Variants in HRNR observed in about 807,000 individuals in gnomAD.
HRNR encodes hornerin, also known as filaggrin family member 3.
In HRNR, 7 loss-of-function variants were observed where a neutral mutation model predicts 4.8. The observed-to-expected ratio is 1.47, with a 90% CI of 0.83 to 2.75. The LOEUF is 2.75. Ranked by LOEUF, HRNR falls within the 30% of genes most tolerant of loss-of-function variation. The pLI is 0.00. For missense variants in HRNR, 2,879 were observed against 3,010.4 expected, an observed-to-expected ratio of 0.96 and a Z score of 1.02; for synonymous variants, 1,023 against 1,242.7, an observed-to-expected ratio of 0.82 and a Z score of 3.72.
chr1:152,218,563 G>C lies in HRNR; in HGVS notation c.3066C>G (p.Ser1022=), dbSNP rs572500781. ...AGCCAGACCTATATGGGCCATAGCT[G>C]GAAGACTGCCCGGAACCAGACCCAT... ...GRHGSGSGQS[S]SYGPYRSGSG... Residue 1022 remains serine (S), a synonymous_variant, in exon 3 of 3, where the codon TCC becomes TCG. Coordinates refer to ENST00000368801, the MANE Select transcript of HRNR (RefSeq NM_001009931.3). 8.8e-5 allele frequency: 142 copies of C among 1,613,870 alleles called. 3 individuals are homozygous for C. In the South Asian group the frequency reaches 1.0e-3, roughly 12 times the overall value.
In HRNR at chr1:152,219,616, G is replaced by T; in HGVS notation, c.2013C>A (p.His671Gln). Residue 671 changes from histidine to glutamine, a missense_variant, in exon 3 of 3, where the codon CAC becomes CAA. By Grantham distance (24) the His-to-Gln change is conservative. This residue lies in a region of HRNR where 2,646 missense variants were observed against 1,377.7 expected (regional missense o/e 1.92). Transcript: ENST00000368801. ...SRGRHGSDFG[H>Q]SSSYGQHGSG... Reference sequence around the variant, plus strand: ...ACCCATGTTGGCCGTAGCTGGAAGAGTGCCCAAAATCGGACCCATGTCGGC... The same window carrying T: ...ACCCATGTTGGCCGTAGCTGGAAGATTGCCCAAAATCGGACCCATGTCGGC... 2 of 1,608,648 alleles carry T rather than the reference G, an allele frequency of 1.2e-6. No individual in the cohort carries two copies. The highest frequency in any genetic ancestry group is 1.7e-6 in the Non-Finnish European group (2 of 1,177,160).
rs758881961 is a variant in HRNR, at chr1:152,220,467, C to T, written c.1162G>A (p.Gly388Ser). ...GSTSGQASSSGQHGSSSRQSS... is the reference protein window; with the variant it reads ...GSTSGQASSSSQHGSSSRQSS... ...TGACGTGAGCTGGAGCCATGTTGGC[C>T]AGAGCTTGATGCCTGCCCTGACGTA... The change falls in exon 3 of 3, where the codon GGC (glycine) becomes AGC (serine). Residue 388 changes from glycine (G) to serine (S), a missense_variant. Physicochemically the swap from Gly to Ser is moderately conservative, Grantham distance 56. This residue lies in a region of HRNR where 2,646 missense variants were observed against 1,377.7 expected (regional missense o/e 1.92). Transcript: ENST00000368801. 3.0e-5 allele frequency: 49 copies of T among 1,612,124 alleles called. No individual in the cohort carries two copies. Among genetic ancestry groups the T allele is most frequent in the Non-Finnish European group, 4.1e-5 (48 of 1,178,910 alleles).
rs148133879 is a variant in HRNR, at chr1:152,219,088, C to T, written c.2541G>A (p.Thr847=). 673 of 1,613,386 alleles carry T rather than the reference C, an allele frequency of 4.2e-4. 4 individuals carry two copies. The African/African-American group carries it at 6.0e-3, about 14-fold the overall frequency. ...GGCCGGAGCTTGATGACTGCCCTGA[C>T]GTAGATCCATGTCGTCCCTGGCTAG... ...HFSSQGRHGS[T]SGQSSSSGQH... is the part of the protein sequence containing the mutation. Residue 847 remains threonine, a synonymous_variant, in exon 3 of 3, where the codon ACG becomes ACA. Coordinates refer to ENST00000368801, the MANE Select transcript of HRNR (RefSeq NM_001009931.3).
In HRNR at chr1:152,219,662, G is replaced by T. The variant is rs1557844993; in HGVS notation, c.1967C>A (p.Ser656Tyr). The T allele has an allele frequency of 6.2e-7, 1 of 1,613,352 alleles. No homozygotes were observed. The highest frequency in any genetic ancestry group is 1.7e-5 in the Admixed American group (1 of 59,980). The change falls in exon 3 of 3, where the codon TCT becomes TAT. Residue 656 changes from serine to tyrosine, a missense_variant. Ser to Tyr is a moderately radical substitution (Grantham distance 144). Coordinates refer to ENST00000368801, the MANE Select transcript of HRNR (RefSeq NM_001009931.3). ...TCGGCCGCGACTAGGAGACTGGCCA[G>T]ATCCAGAGCCCTGTTGGCCATAGCG... ...SSRYGQQGSG[S>Y]GQSPSRGRHG...
In HRNR at chr1:152,220,662, C is replaced by T. The variant is rs544088951; in HGVS notation, c.967G>A (p.Gly323Ser). ...GSGSGHSSSH[G>S]QHGSGSSYSY... ...TAACTTGAGCCAGACCCGTGTTGGC[C>T]GTGGCTGGAGGAGTGCCCCGAACCG... Residue 323 changes from glycine to serine, a missense_variant, in exon 3 of 3, where the codon GGC becomes AGC. Coordinates refer to ENST00000368801, the MANE Select transcript of HRNR (RefSeq NM_001009931.3). 47 of 1,611,948 alleles carry T rather than the reference C, an allele frequency of 2.9e-5. No homozygotes were observed. Among genetic ancestry groups the T allele is most frequent in the African/African-American group, 1.2e-4 (9 of 74,840 alleles).
Position 152,220,957 on chromosome 1 carries a change from G to T in HRNR, c.672C>A (p.Gly224=). 1 of 1,612,460 alleles carries T rather than the reference G, an allele frequency of 6.2e-7. No homozygotes were observed. Among genetic ancestry groups the T allele is most frequent in the Non-Finnish European group, 8.5e-7 (1 of 1,178,368 alleles). ...GACTAAAGCCAGAAGACTGGCCTGA[G>T]CCAGACCCATGTGTGTCATTGCTGG... The part of the protein sequence containing the change: ...QSSSNDTHGS[G]SGQSSGFSQH... Residue 224 remains glycine (G), a synonymous_variant, in exon 3 of 3, where the codon GGC becomes GGA. Transcript: ENST00000368801.
rs6587649 is a variant in HRNR, at chr1:152,220,502, T to C, written c.1127A>G (p.Gln376Arg). Residue 376 changes from glutamine (Q) to arginine (R), a missense_variant, in exon 3 of 3, where the codon CAA becomes CGA. Gln to Arg is a conservative substitution (Grantham distance 43). Around this residue, in one of 8 missense-constraint regions of HRNR, gnomAD observed 2,646 missense variants for 1,377.7 expected, o/e 1.92. Coordinates refer to ENST00000368801, the MANE Select transcript of HRNR (RefSeq NM_001009931.3). ...TGCCTGCCCTGACGTAGATCCATGT[T>C]GTCCCTGGCTAGAGGAGTGACCTGA... ...SGSGHSSSQG[Q>R]HGSTSGQASS... is the part of the protein sequence containing the mutation. 1,600,688 of 1,613,920 alleles carry C rather than the reference T, an allele frequency of 0.99. 794,665 individuals carry two copies. Among genetic ancestry groups the C allele is most frequent in the East Asian group, 1 (44,809 of 44,810 alleles).
chr1:152,220,323 ACTGCC>A lies in HRNR; in HGVS notation c.1301_1305del (p.Gly434ValfsTer36). The A allele has an allele frequency of 6.2e-7, 1 of 1,613,088 alleles. No homozygotes were observed. The highest frequency in any genetic ancestry group is 1.1e-5 in the South Asian group (1 of 91,038). ...GTCCCATGTTGGCCGGAGCTGGGAG[ACTGCC>A]CTGACCCAGACCCACGCTGGCCGTG... On this transcript the variant is annotated frameshift_variant, in exon 3 of 3. Coordinates refer to ENST00000368801, the MANE Select transcript of HRNR (RefSeq NM_001009931.3). LOFTEE classifies it low-confidence loss of function (END_TRUNC).
Sources: allele counts gnomAD v4.1 joint callset, GRCh38; gene constraint gnomAD v4.1.1; regional missense constraint gnomAD v4.1.1; transcripts MANE v1.5; gene names NCBI Gene and HGNC (gene_info 2026-07-23, HGNC 2026-07-21).